The following SPAG16 variants were observed in gnomAD, a reference collection of about 807,000 sequenced individuals.
The protein encoded by SPAG16 is sperm associated antigen 16, also known as sperm-associated antigen 16 protein.
A neutral mutation model predicts 80.4 loss-of-function variants in SPAG16; 86 were observed. The ratio of observed to expected loss-of-function variants is 1.07; its 90% CI spans 0.90 to 1.28. SPAG16 has a LOEUF of 1.28. Ranked by LOEUF, SPAG16 falls within the 50% of genes most tolerant of loss-of-function variation. The pLI, the probability that SPAG16 is intolerant of heterozygous loss-of-function variation, is 0.00. For synonymous variants in SPAG16, 294 were observed against 265.9 expected (o/e 1.11, Z -1.03); for missense variants, 870 against 765.3 (o/e 1.14, Z -1.61).
chr2:213,369,195 C>T (rs1315105639), intron 8 of SPAG16, among the ~76,000 whole-genome samples: 1 of 152,066 alleles, frequency 6.6e-6, no homozygotes, highest in Non-Finnish European at 1.5e-5. Flanking sequence ...GCAAGCCTAT[C>T]TGTACAGCAG....
At chr2:213,531,079 C>A (rs546641457) in intron 10 of SPAG16, among the ~76,000 whole-genome samples, 4 of 151,964 alleles carry the variant, frequency 2.6e-5, no homozygotes, top group African/African-American at 9.6e-5. Flanking sequence ...TACTTGTTGA[C>A]CTTTTGTTGT....
chr2:213,610,461 C>G (rs993260692), intron 10 of SPAG16, among the ~76,000 whole-genome samples: 3 of 152,194 alleles, frequency 2.0e-5, no homozygotes, highest in Non-Finnish European at 1.5e-5. Flanking sequence ...AACCAGACCA[C>G]TTTTGCTGGC....
At chr2:213,479,750 A>T (rs1407592905) in intron 9 of SPAG16, among the ~76,000 whole-genome samples, 2 of 152,178 alleles carry the variant, frequency 1.3e-5, no homozygotes, top group Admixed American at 1.3e-4. Flanking sequence ...CCTTATCTGC[A>T]TTGGCATTTA....
chr2:213,903,841 A>AATT (rs2077323533), intron 11 of SPAG16, among the ~76,000 whole-genome samples: 1 of 152,136 alleles, frequency 6.6e-6, no homozygotes. Context: ...GCTGCTTAGA[A>AATT]ATTTCTTGCT....
intron 11 of SPAG16, among the ~76,000 whole-genome samples, chr2:213,908,511 G>T (rs2077520034): frequency 6.6e-6 from 1 of 152,150 alleles, no homozygotes; most frequent in African/African-American, 2.4e-5. Flanking sequence ...TGATCTCACT[G>T]AACTTCTTTA....
intron 5 of SPAG16, among the ~76,000 whole-genome samples, chr2:213,325,329 T>A (rs181376944): frequency 3.9e-5 from 6 of 152,210 alleles, no homozygotes; most frequent in Admixed American, 2.0e-4. Context: ...TGTTTTCTTC[T>A]AAAACGCTTA....
At position 213,910,720 on chromosome 2, in the gene SPAG16, C is replaced by T. The variant is rs1203369286; in HGVS notation, c.1215-19240C>T. The stretch of plus-strand genomic sequence containing the variant: ...AGCCAGAATGGTCTCGATCTCCTGA[C>T]CTCGTGATCCGCCCGCCTCGGCCTC... On this transcript the variant is annotated intron_variant, in intron 11 of 15. Coordinates refer to ENST00000331683, the MANE Select transcript of SPAG16 (RefSeq NM_024532.5). 1.3e-4 allele frequency among the ~76,000 whole-genome samples: 4 copies of T among 30,710 alleles called. 1 individual carries two copies. Among genetic ancestry groups the T allele is most frequent in the African/African-American group, 2.3e-4 (4 of 17,264 alleles). The allele number at this position is 30,710 out of a possible 152,430, so 20.1% of individuals were successfully genotyped here.
intron 15 of SPAG16, chr2:214,239,263 T>A (rs1183773864): frequency 6.6e-6 from 1 of 152,140 alleles, no homozygotes; most frequent in Non-Finnish European, 1.5e-5. Flanking sequence ...CAAATTCCTG[T>A]CCTCAAGCAA....
At chr2:214,406,487 A>T (rs934353298) in intron 15 of SPAG16, among the ~76,000 whole-genome samples, 1 of 152,150 alleles carries the variant, frequency 6.6e-6, no homozygotes, top group Non-Finnish European at 1.5e-5. Context: ...TCTATTGTTA[A>T]TAATGCTTAA....
chr2:213,751,998 A>G (rs2068097486), intron 10 of SPAG16, among the ~76,000 whole-genome samples: 1 of 152,218 alleles, frequency 6.6e-6, no homozygotes. Context: ...GAAAAAGTAA[A>G]GGTGATACCT....
intron 12 of SPAG16, among the ~76,000 whole-genome samples, chr2:213,983,085 T>C (rs1021259519): frequency 7.2e-5 from 11 of 151,974 alleles, no homozygotes; most frequent in Non-Finnish European, 1.5e-4. Flanking sequence ...AGAATAAATA[T>C]CAGTTGTTGC....
At chr2:213,810,745 G>T (rs1045821357) in intron 10 of SPAG16, among the ~76,000 whole-genome samples, 3 of 152,156 alleles carry the variant, frequency 2.0e-5, no homozygotes, top group Non-Finnish European at 4.4e-5. Flanking sequence ...CTAGGGTGGG[G>T]AGCAGAACTA....
intron 10 of SPAG16, among the ~76,000 whole-genome samples, chr2:213,732,734 T>C (rs1362294918): frequency 6.6e-6 from 1 of 152,184 alleles, no homozygotes; most frequent in African/African-American, 2.4e-5. Flanking sequence ...TTTGCTTGTG[T>C]TATCTGTGAT....
intron 14 of SPAG16, among the ~76,000 whole-genome samples, chr2:214,111,123 T>C (rs541349282): frequency 1.3e-5 from 2 of 152,328 alleles, no homozygotes; most frequent in South Asian, 4.1e-4. Context: ...GTGCAGAAGC[T>C]CTTTAGTTTA....
At chr2:214,060,677 A>T (rs1217854188) in intron 13 of SPAG16, among the ~76,000 whole-genome samples, 1 of 152,124 alleles carries the variant, frequency 6.6e-6, no homozygotes, top group Non-Finnish European at 1.5e-5. Context: ...AAGAGGGTAG[A>T]TATCTTAAAA....
chr2:213,887,425 C>T (rs1039461250), intron 11 of SPAG16, among the ~76,000 whole-genome samples: 3 of 151,644 alleles, frequency 2.0e-5, no homozygotes, highest in East Asian at 1.9e-4. Flanking sequence ...ATATCGTATT[C>T]GTCTGATGTT....
intron 7 of SPAG16, among the ~76,000 whole-genome samples, chr2:213,355,345 A>T (rs1282694879): frequency 6.7e-6 from 1 of 148,818 alleles, no homozygotes; most frequent in East Asian, 2.1e-4. Context: ...TTGGCTATGC[A>T]GGCTCTTTTT....
chr2:213,987,825 T>A (rs1474299433), intron 12 of SPAG16, among the ~76,000 whole-genome samples: 6 of 147,522 alleles, frequency 4.1e-5, no homozygotes, highest in Non-Finnish European at 9.0e-5. Flanking sequence ...TATATATACA[T>A]ATTTATATTA....
intron 4 of SPAG16, among the ~76,000 whole-genome samples, chr2:213,316,279 C>G (rs182003836): frequency 6.6e-6 from 1 of 151,994 alleles, no homozygotes; most frequent in African/African-American, 2.4e-5. Flanking sequence ...CATTTACCAA[C>G]ACCTGACAGT....
Sources: allele counts gnomAD v4.1 joint callset (sites outside exome capture counted in the v4.1 genomes callset), GRCh38; gene constraint gnomAD v4.1.1; transcripts MANE v1.5; gene names NCBI Gene and HGNC (gene_info 2026-07-23, HGNC 2026-07-21).